The following CRACD variants were observed in gnomAD, a reference collection of about 807,000 sequenced individuals.
CRACD encodes the protein capping protein-inhibiting regulator of actin dynamics.
CRACD carries 56 observed loss-of-function variants against 106.8 expected under a neutral mutation model. The ratio of observed to expected loss-of-function variants is 0.52; its 90% CI spans 0.42 to 0.66. CRACD has a LOEUF of 0.66. Ranked by LOEUF, CRACD falls within the 30% of genes least tolerant of loss-of-function variation. CRACD has a pLI of 0.00. For synonymous variants in CRACD, 754 were observed against 670.8 expected (o/e 1.12, Z -1.92); for missense variants, 1,730 against 1,623.2 (o/e 1.07, Z -1.13).
intron 2 of CRACD, among the ~76,000 whole-genome samples, chr4:56,193,680 T>C (rs572388788): frequency 1.3e-5 from 2 of 152,378 alleles, no homozygotes; most frequent in Admixed American, 6.5e-5. Flanking sequence ...TTGCTACTTG[T>C]TGTATACCCA....
intron 1 of CRACD, among the ~76,000 whole-genome samples, chr4:56,168,523 A>G (rs1226955380): frequency 6.6e-6 from 1 of 151,868 alleles, no homozygotes; most frequent in Non-Finnish European, 1.5e-5. Flanking sequence ...TGTTTTTGGT[A>G]TTAGGATTAT....
intron 1 of CRACD, among the ~76,000 whole-genome samples, chr4:56,146,469 G>T (rs949721011): frequency 4.6e-5 from 7 of 150,964 alleles, no homozygotes; most frequent in Admixed American, 3.3e-4. Flanking sequence ...TGCACAATGT[G>T]CAGGTTAGTT....
intron 2 of CRACD, among the ~76,000 whole-genome samples, chr4:56,227,370 A>G (rs1344501291): frequency 3.0e-5 from 2 of 66,660 alleles, no homozygotes; most frequent in African/African-American, 5.1e-5. Context: ...AAGGTGGGTA[A>G]AAAGAATCTC....
intron 2 of CRACD, among the ~76,000 whole-genome samples, chr4:56,255,580 C>T (rs1465474427): frequency 1.3e-5 from 2 of 152,098 alleles, no homozygotes; most frequent in Non-Finnish European, 2.9e-5. Context: ...CCTGGACCTG[C>T]TGAGAAGAAA....
chr4:56,218,719 C>T (rs1328983350), intron 2 of CRACD, among the ~76,000 whole-genome samples: 5 of 151,622 alleles, frequency 3.3e-5, no homozygotes, highest in East Asian at 3.9e-4. Context: ...GCAATTCTCT[C>T]GCTTCAGCCC....
chr4:56,163,246 C>T (rs973409064), intron 1 of CRACD, among the ~76,000 whole-genome samples: 1 of 151,804 alleles, frequency 6.6e-6, no homozygotes, highest in Admixed American at 6.6e-5. Context: ...GACAATGACT[C>T]AATTTTAAAG....
At chr4:56,223,092 C>T (rs1453761777) in intron 2 of CRACD, among the ~76,000 whole-genome samples, 2 of 150,354 alleles carry the variant, frequency 1.3e-5, no homozygotes, top group African/African-American at 4.9e-5. Context: ...ATGGTAAAAT[C>T]TCCTGAGTAG....
chr4:56,207,313 C>A (rs989530411), intron 2 of CRACD, among the ~76,000 whole-genome samples: 13 of 152,120 alleles, frequency 8.5e-5, no homozygotes, highest in African/African-American at 3.1e-4. Context: ...TACAGTAGAA[C>A]CTGTTATGGA....
chr4:56,273,531 C>T (rs1490569391), intron 3 of CRACD, among the ~76,000 whole-genome samples: 1 of 152,064 alleles, frequency 6.6e-6, no homozygotes, highest in Non-Finnish European at 1.5e-5. Flanking sequence ...ACTTTCTTAC[C>T]TGAGTGCTTG....
intron 2 of CRACD, among the ~76,000 whole-genome samples, chr4:56,198,646 A>T (rs1248043667): frequency 6.6e-6 from 1 of 152,158 alleles, no homozygotes; most frequent in East Asian, 1.9e-4. Flanking sequence ...TTTCACAAGT[A>T]CCATTTTTCT....
intron 1 of CRACD, among the ~76,000 whole-genome samples, chr4:56,123,947 A>T (rs1026524766): frequency 1.5e-4 from 22 of 151,208 alleles, no homozygotes; most frequent in Admixed American, 2.0e-4. Flanking sequence ...TTTTAAAATC[A>T]TTTTTTTTTA....
At chr4:56,109,033 A>G (rs1170678469) in intron 1 of CRACD, among the ~76,000 whole-genome samples, 2 of 152,136 alleles carry the variant, frequency 1.3e-5, no homozygotes, top group Admixed American at 1.3e-4. Flanking sequence ...GACTCCTCCA[A>G]GGAAAGGAGA....
At chr4:56,137,351 T>C (rs1026338916) in intron 1 of CRACD, among the ~76,000 whole-genome samples, 5 of 152,176 alleles carry the variant, frequency 3.3e-5, no homozygotes, top group Non-Finnish European at 7.4e-5. Context: ...AGTCTCTTGT[T>C]GACCAAAACA....
intron 1 of CRACD, among the ~76,000 whole-genome samples, chr4:56,157,946 T>G (rs1735817953): frequency 6.6e-6 from 1 of 152,240 alleles, no homozygotes; most frequent in African/African-American, 2.4e-5. Flanking sequence ...TTAGTAGTCT[T>G]GAATTTCTAC....
At chr4:56,280,570 G>C (rs1313925861) in intron 3 of CRACD, among the ~76,000 whole-genome samples, 1 of 152,136 alleles carries the variant, frequency 6.6e-6, no homozygotes, top group Non-Finnish European at 1.5e-5. Flanking sequence ...CTTGCCATTC[G>C]TTGTATTTCC....
intron 1 of CRACD, among the ~76,000 whole-genome samples, chr4:56,059,522 C>T (rs1732198194): frequency 6.6e-6 from 1 of 152,148 alleles, no homozygotes. Flanking sequence ...TCCACCCAGC[C>T]AGTCATGATA....
rs544805231 is a variant in CRACD at position 56,121,159 on chromosome 4, A to T, written c.-335-58125A>T. Among the ~76,000 whole-genome samples the T allele has an allele frequency of 3.1e-3, 467 of 152,272 alleles. 1 individual carries two copies. The highest frequency in any genetic ancestry group is 5.2e-3 in the Non-Finnish European group (352 of 68,020). On this transcript the variant is annotated intron_variant, in intron 1 of 10. Coordinates refer to ENST00000682029, the MANE Select transcript of CRACD (RefSeq NM_001393381.1). The stretch of plus-strand genomic sequence containing the variant: ...ATCAGTACTAATCATTATTGTCTTG[A>T]TATTTTAGTTTTAGTTTTAGTTTAA...
At chr4:56,188,711 C>CACAGAGAGAGAGAGAGAG (rs1446016845) in intron 2 of CRACD, among the ~76,000 whole-genome samples, 2 of 113,110 alleles carry the variant, frequency 1.8e-5, no homozygotes, top group African/African-American at 7.8e-5. Context: ...CACACACACA[C>CACAGAGAGAGAGAGAGAG]AGAGAGAGAG....
At chr4:56,123,445 AAGCCCACC>A (rs1734555964) in intron 1 of CRACD, among the ~76,000 whole-genome samples, 2 of 152,132 alleles carry the variant, frequency 1.3e-5, no homozygotes, top group South Asian at 4.1e-4. Context: ...ACTTCTTGTA[AAGCCCACC>A]AATTCCATCA....
Sources: allele counts gnomAD v4.1 joint callset (sites outside exome capture counted in the v4.1 genomes callset), GRCh38; gene constraint gnomAD v4.1.1; transcripts MANE v1.5; gene names NCBI Gene and HGNC (gene_info 2026-07-23, HGNC 2026-07-21).